Variants in MYT1 observed in about 807,000 individuals in gnomAD.
MYT1 encodes the protein myelin transcription factor 1.
Under a neutral mutation model 123.0 loss-of-function variants are expected in MYT1, and 23 were observed. The observed-to-expected ratio is 0.19, with a 90% CI of 0.13 to 0.26. The LOEUF (loss-of-function observed/expected upper bound fraction) is 0.26. Among genes scored for constraint, MYT1 ranks in the 10% least tolerant of loss-of-function variants. The pLI is 1.00. For missense variants in MYT1, 1,125 were observed against 1,472.5 expected, an observed-to-expected ratio of 0.76 and a Z score of 3.86; for synonymous variants, 518 against 575.3, an observed-to-expected ratio of 0.90 and a Z score of 1.43.
chr20:64,231,971 C>T lies in MYT1; in HGVS notation c.2676-193C>T, dbSNP rs759947944. 1.3e-5 allele frequency among the ~76,000 whole-genome samples: 2 copies of T among 152,136 alleles called. No individual in the cohort carries two copies. The highest frequency in any genetic ancestry group is 2.1e-4 in the South Asian group (1 of 4,824). ...CCAAAGCGGAAGAGGGAGCGTGGCC[C>T]GGGTCTTCACACTCAGCCCGGAAGG... On this transcript the variant is annotated intron_variant, in intron 18 of 22. Coordinates refer to ENST00000328439, the MANE Select transcript of MYT1 (RefSeq NM_004535.3). The surrounding 1 kb of genome is among the most constrained non-coding windows in gnomAD (Gnocchi z 6.4).
intron 13 of MYT1, among the ~76,000 whole-genome samples, chr20:64,220,605 T>C (rs1419181819): frequency 6.6e-6 from 1 of 152,228 alleles, no homozygotes; most frequent in African/African-American, 2.4e-5. Context: ...CAAGGAGGTG[T>C]GTGTCCTGAA....
rs556272756 is a variant in MYT1, at chr20:64,176,581, G to A, written c.-99+11842G>A. Among the ~76,000 whole-genome samples, 7 of 152,352 alleles carry A rather than the reference G, an allele frequency of 4.6e-5. No individual in the cohort carries two copies. In the East Asian group the frequency reaches 1.2e-3, roughly 25 times the overall value. ...GGGTTCCTTGTCCTGGGTGTGGGGC[G>A]AATGTGCTGGACTGGGGTCACAGCA... On this transcript the variant is annotated intron_variant, in intron 1 of 22. Transcript: ENST00000328439.
Position 64,202,443 on chromosome 20 carries a change from T to C in MYT1, c.86+2521T>C, listed in dbSNP as rs778980894. Among the ~76,000 whole-genome samples, 6 of 152,170 alleles carry C rather than the reference T, an allele frequency of 3.9e-5. No homozygotes were observed. Among genetic ancestry groups the C allele is most frequent in the Non-Finnish European group, 5.9e-5 (4 of 68,038 alleles). On this transcript the variant is annotated intron_variant, in intron 4 of 22. Coordinates refer to ENST00000328439, the MANE Select transcript of MYT1 (RefSeq NM_004535.3). This position sits in a 1 kb window ranked among gnomAD's most constrained non-coding sequence, Gnocchi z 5.0. ...GACTAGGGAAGGTTAGGGTTGGGGT[T>C]AGCATCTTTGAGACAGCGAGGCGCT... is the stretch of plus-strand genomic sequence containing the variant.
chr20:64,223,500 G>A, intron 16 of MYT1, 141 bp downstream of exon 16: 4 of 943,872 alleles, frequency 4.2e-6, no homozygotes, highest in South Asian at 1.4e-5. Context: ...GGGCAGAGGG[G>A]CAGGGCCGTG....
In MYT1 at chr20:64,186,659, T is replaced by C. The variant is rs768263191; in HGVS notation, c.-98-3404T>C. Among the ~76,000 whole-genome samples the C allele has an allele frequency of 2.0e-5, 3 of 152,272 alleles. No individual in the cohort carries two copies. Among genetic ancestry groups the C allele is most frequent in the Non-Finnish European group, 4.4e-5 (3 of 68,048 alleles). Reference sequence around the variant, plus strand: ...TTGGTGGCAGTGCCCTGTGTGAGCTTTGGGGACCCTTGTTCCCACCACAGA... The same window carrying C: ...TTGGTGGCAGTGCCCTGTGTGAGCTCTGGGGACCCTTGTTCCCACCACAGA... On this transcript the variant is annotated intron_variant, in intron 1 of 22. Transcript: ENST00000328439. This position sits in a 1 kb window ranked among gnomAD's most constrained non-coding sequence, Gnocchi z 4.3.
chr20:64,235,833 T>G (rs112021215), intron 19 of MYT1, among the ~76,000 whole-genome samples: 1 of 29,786 alleles, frequency 3.4e-5, no homozygotes, highest in Admixed American at 3.0e-4. Flanking sequence ...CTGGGCTGGC[T>G]GTGGTGGGTG....
chr20:64,170,022 A>G (rs1295035242), intron 1 of MYT1, among the ~76,000 whole-genome samples: 2 of 141,466 alleles, frequency 1.4e-5, no homozygotes, highest in African/African-American at 2.6e-5. Context: ...CCCGCAGGCC[A>G]CAGTATGACC....
chr20:64,190,911 G>C lies in MYT1; in HGVS notation c.-1+751G>C, dbSNP rs1434066498. On this transcript the variant is annotated intron_variant, in intron 2 of 22. Coordinates refer to ENST00000328439, the MANE Select transcript of MYT1 (RefSeq NM_004535.3). This position sits in a 1 kb window ranked among gnomAD's most constrained non-coding sequence, Gnocchi z 4.1. ...TTGAACCTGGGAGGCAGAGGTTGCA[G>C]TGACCCAAGATTGTGCCACTGCACT... Among the ~76,000 whole-genome samples, 1 of 152,206 alleles carries C rather than the reference G, an allele frequency of 6.6e-6. No individual in the cohort carries two copies. The highest frequency in any genetic ancestry group is 2.4e-5 in the African/African-American group (1 of 41,436).
chr20:64,206,409 C>G (rs569877014), intron 6 of MYT1, among the ~76,000 whole-genome samples: 2 of 152,328 alleles, frequency 1.3e-5, no homozygotes, highest in South Asian at 4.1e-4. Context: ...CATGTTGGAG[C>G]TCCTAGCCCT....
At chr20:64,201,966 C>CTCT (rs1568708156) in intron 4 of MYT1, among the ~76,000 whole-genome samples, 2 of 108,554 alleles carry the variant, frequency 1.8e-5, no homozygotes, top group Non-Finnish European at 4.0e-5. Context: ...CGGGAACCCC[C>CTCT]GCGTGTCGGG....
At chr20:64,204,274 C>T (rs548113212) in intron 4 of MYT1, among the ~76,000 whole-genome samples, 1 of 152,172 alleles carries the variant, frequency 6.6e-6, no homozygotes, top group Non-Finnish European at 1.5e-5. Flanking sequence ...TATAGGGAGA[C>T]AGATGATGGT....
chr20:64,218,399 G>A lies in MYT1; in HGVS notation c.1847-512G>A, dbSNP rs1238153710. ...AATGTTACTTTTTTAAGGCAGTGAT[G>A]GTTACCGGGGACACCAAGTCAGCCT... is the stretch of plus-strand genomic sequence containing the variant. On this transcript the variant is annotated intron_variant, in intron 11 of 22. Transcript: ENST00000328439. The surrounding 1 kb of genome is among the most constrained non-coding windows in gnomAD (Gnocchi z 4.0). Among the ~76,000 whole-genome samples, 1 of 152,144 alleles carries A rather than the reference G, an allele frequency of 6.6e-6. No individual in the cohort carries two copies. Among genetic ancestry groups the A allele is most frequent in the African/African-American group, 2.4e-5 (1 of 41,428 alleles).
chr20:64,225,653 C>A lies in MYT1; in HGVS notation c.2529-1762C>A, dbSNP rs540969444. 2.0e-5 allele frequency among the ~76,000 whole-genome samples: 3 copies of A among 152,256 alleles called. No individual in the cohort carries two copies. The South Asian group carries it at 6.2e-4, about 32-fold the overall frequency. On this transcript the variant is annotated intron_variant, in intron 16 of 22. Transcript: ENST00000328439. ...CCCTCAGACACGGTGTTCCCTTCTG[C>A]CCAGATGGGGCACTCAGAAGCAGGT...
At position 64,223,378 on chromosome 20, in the gene MYT1, ACCT is replaced by A. The variant is rs772583837; in HGVS notation, c.2528+23_2528+25del. On this transcript the variant is annotated intron_variant, in intron 16 of 22. Coordinates refer to ENST00000328439, the MANE Select transcript of MYT1 (RefSeq NM_004535.3). ...ACCTCAAGTATGTTTGCGCTCCCTGACCTCCTGTCTCTTGGGCGGCACCCTCGC... is the reference window on the plus strand; with the variant it reads ...ACCTCAAGTATGTTTGCGCTCCCTGACCTGTCTCTTGGGCGGCACCCTCGC... The A allele has an allele frequency of 5.0e-5, 81 of 1,612,986 alleles. No individual in the cohort carries two copies. Among genetic ancestry groups the A allele is most frequent in the Non-Finnish European group, 6.4e-5 (75 of 1,179,646 alleles).
chr20:64,222,989 G>T (rs1443421945), intron 14 of MYT1, 122 bp from the exon 15 acceptor site: 1 of 1,025,212 alleles, frequency 9.8e-7, no homozygotes. Context: ...AGTGGAGGAG[G>T]GGCCACCGCT....
chr20:64,209,697 G>A (rs1983608265), intron 7 of MYT1, among the ~76,000 whole-genome samples: 1 of 152,210 alleles, frequency 6.6e-6, no homozygotes, highest in Non-Finnish European at 1.5e-5. Context: ...CTTGGGTCAT[G>A]GGAGAGACAG....
intron 10 of MYT1, among the ~76,000 whole-genome samples, chr20:64,215,046 C>A (rs557803448): frequency 6.6e-6 from 1 of 152,342 alleles, no homozygotes; most frequent in Admixed American, 6.5e-5. Flanking sequence ...CCTGCAGGTC[C>A]CAGCAGGCTG....
chr20:64,197,010 G>T (rs901006041), intron 2 of MYT1, among the ~76,000 whole-genome samples: 1 of 152,124 alleles, frequency 6.6e-6, no homozygotes, highest in African/African-American at 2.4e-5. Flanking sequence ...ACATTTGAAG[G>T]CTCATAAATG....
intron 17 of MYT1, 112 bp downstream of exon 17, chr20:64,227,589 C>A: frequency 2.0e-6 from 2 of 996,684 alleles, no homozygotes; most frequent in South Asian, 1.6e-5. Flanking sequence ...CCATTCCCAT[C>A]TCTTTAATCT....
Sources: gnomAD v4.1 joint callset for allele counts (sites outside exome capture counted in the v4.1 genomes callset) on GRCh38, gnomAD v4.1.1 for gene constraint, Gnocchi (gnomAD v3.1) non-coding constraint, MANE v1.5 for transcripts, NCBI Gene and HGNC (gene_info 2026-07-23, HGNC 2026-07-21) for gene names.